NUP93: variants seen among roughly 807,000 people sequenced by gnomAD.
NUP93 encodes nuclear pore complex protein Nup93.
Under a neutral mutation model 107.8 loss-of-function variants are expected in NUP93, and 55 were observed. The observed-to-expected ratio is 0.51, with a 90% CI of 0.41 to 0.64. The LOEUF (loss-of-function observed/expected upper bound fraction) is 0.64. Among genes scored for constraint, NUP93 ranks in the 30% least tolerant of loss-of-function variants. The probability of loss-of-function intolerance (pLI) is 0.00; values close to 1 mark genes in which losing one functional copy is unlikely to be tolerated. For synonymous variants in NUP93, 390 were observed against 397.5 expected (o/e 0.98, Z 0.22); for missense variants, 937 against 1,044.7 (o/e 0.90, Z 1.42).
At chr16:56,791,175 T>C (rs1962754516) in intron 3 of NUP93, among the ~76,000 whole-genome samples, 1 of 152,190 alleles carries the variant, frequency 6.6e-6, no homozygotes, top group South Asian at 2.1e-4. Flanking sequence ...TATGGTGGAT[T>C]GCTGGTTGGT....
At chr16:56,798,838 C>A (rs1962956806) in intron 4 of NUP93, among the ~76,000 whole-genome samples, 1 of 150,230 alleles carries the variant, frequency 6.7e-6, no homozygotes, top group South Asian at 2.1e-4. Context: ...GCACTTCATC[C>A]TGGGGGACAG....
chr16:56,739,731 C>A (rs1961682981), intron 1 of NUP93, among the ~76,000 whole-genome samples: 3 of 133,654 alleles, frequency 2.2e-5, no homozygotes, highest in African/African-American at 8.8e-5. Flanking sequence ...GCCGACCCCC[C>A]CACCTCCCTC....
chr16:56,822,554 CTTTT>C (rs1596841420), intron 7 of NUP93, among the ~76,000 whole-genome samples: 3 of 46,794 alleles, frequency 6.4e-5, no homozygotes, highest in African/African-American at 2.9e-4. Context: ...TTCTTTCTTT[CTTTT>C]CTTTTCTTTT....
At chr16:56,778,559 G>T (rs188018454) in intron 3 of NUP93, among the ~76,000 whole-genome samples, 14 of 152,330 alleles carry the variant, frequency 9.2e-5, no homozygotes, top group Admixed American at 4.6e-4. Flanking sequence ...TGTGGTAGCT[G>T]AGAAAACAGA....
intron 1 of NUP93, 91 bp downstream of exon 1, chr16:56,730,302 G>C (rs1961510706): frequency 6.6e-6 from 1 of 152,340 alleles, no homozygotes; most frequent in African/African-American, 2.4e-5. Context: ...CCCCACGCTC[G>C]GAACCCCGCC....
chr16:56,766,632 C>G (rs1283254454), intron 3 of NUP93, among the ~76,000 whole-genome samples: 1 of 152,224 alleles, frequency 6.6e-6, no homozygotes, highest in Admixed American at 6.5e-5. Flanking sequence ...CCATGTGCCA[C>G]TTTGATCTGC....
chr16:56,755,395 G>A (rs1961999652), intron 2 of NUP93, among the ~76,000 whole-genome samples: 1 of 151,532 alleles, frequency 6.6e-6, no homozygotes, highest in East Asian at 1.9e-4. Context: ...TTGCATTTAT[G>A]AGCAATGTCC....
In NUP93 at chr16:56,818,702, C is replaced by T; in HGVS notation, c.528C>T (p.Ser176=). Reference sequence around the variant, plus strand: ...GTGATGTGGGACCCCCTGGTCGAAGCTCTCTGGATAACATCGAGATGGCCT... The same window carrying T: ...GTGATGTGGGACCCCCTGGTCGAAGTTCTCTGGATAACATCGAGATGGCCT... ...YISDVGPPGR[S]SLDNIEMAYA... The change falls in exon 6 of 22, where the codon AGC becomes AGT. Residue 176 remains serine (S), a synonymous_variant. Transcript: ENST00000308159. 1 of 1,614,196 alleles carries T rather than the reference C, an allele frequency of 6.2e-7. No individual in the cohort carries two copies. The highest frequency in any genetic ancestry group is 8.5e-7 in the Non-Finnish European group (1 of 1,180,000).
chr16:56,750,694 T>C (rs1961902683), intron 2 of NUP93, among the ~76,000 whole-genome samples: 2 of 152,196 alleles, frequency 1.3e-5, no homozygotes, highest in African/African-American at 4.8e-5. Flanking sequence ...CTTATTTGTA[T>C]TGTCTGTGCT....
intron 3 of NUP93, among the ~76,000 whole-genome samples, chr16:56,780,929 GGCTCT>G (rs1479191847): frequency 1.3e-5 from 2 of 152,082 alleles, no homozygotes; most frequent in Admixed American, 6.5e-5. Flanking sequence ...GTCTTAGCGT[GGCTCT>G]GTCTTTGCTT....
intron 3 of NUP93, among the ~76,000 whole-genome samples, chr16:56,759,008 T>C (rs1454008751): frequency 6.6e-6 from 1 of 152,234 alleles, no homozygotes; most frequent in Non-Finnish European, 1.5e-5. Context: ...ATTTTACTAT[T>C]CGTCTTCCAC....
intron 1 of NUP93, among the ~76,000 whole-genome samples, chr16:56,739,500 G>A (rs1335135707): frequency 6.8e-5 from 7 of 103,042 alleles, no homozygotes; most frequent in Non-Finnish European, 8.1e-5. Flanking sequence ...CCTCCCGGAC[G>A]GGGCGGCTGG....
rs527862198 is a variant in NUP93, at chr16:56,771,566, G to A, written c.297+12911G>A. Among the ~76,000 whole-genome samples, 637 of 152,274 alleles carry A rather than the reference G, an allele frequency of 4.2e-3. 8 individuals carry two copies. The highest frequency in any genetic ancestry group is 0.014 in the African/African-American group (601 of 41,560). On this transcript the variant is annotated intron_variant, in intron 3 of 21. Coordinates refer to ENST00000308159, the MANE Select transcript of NUP93 (RefSeq NM_014669.5). ...ATTTCTTACCTGTTTTCTATGGGAT[G>A]ACATTTCCATTTATTCCCTCCAGCA...
In NUP93 at chr16:56,834,121, A is replaced by C; in HGVS notation, c.1538-7A>C. 6.2e-7 allele frequency: 1 copy of C among 1,614,078 alleles called. No individual in the cohort carries two copies. ...GGTTGTGACCCATTCTGACCCCCAC[A>C]ATGCAGTCAGCCACGAGCCTGGTGA... On this transcript the variant is annotated splice_region_variant and splice_polypyrimidine_tract_variant and intron_variant, in intron 13 of 21. Transcript: ENST00000308159.
intron 19 of NUP93, chr16:56,839,295 A>G: frequency 3.0e-6 from 1 of 332,196 alleles, no homozygotes; most frequent in Non-Finnish European, 5.4e-6. Flanking sequence ...GAAAACAGAG[A>G]AGTTTCTCAA....
chr16:56,784,357 CAA>C (rs565487576), intron 3 of NUP93, among the ~76,000 whole-genome samples: 156 of 152,212 alleles, frequency 1.0e-3, no homozygotes, highest in African/African-American at 3.6e-3. Context: ...ACACAAGAAA[CAA>C]ATGTTTTGAC....
intron 3 of NUP93, chr16:56,783,517 G>A: frequency 1.0e-6 from 1 of 985,438 alleles, no homozygotes; most frequent in African/African-American, 1.7e-5. Context: ...TGTAAAGATG[G>A]AGGAAACCTC....
chr16:56,795,138 G>A (rs1184052750), intron 3 of NUP93, among the ~76,000 whole-genome samples: 5 of 151,550 alleles, frequency 3.3e-5, no homozygotes, highest in Non-Finnish European at 5.9e-5. Context: ...ACCCCCAAAC[G>A]TAGCTTGTTT....
intron 8 of NUP93, among the ~76,000 whole-genome samples, chr16:56,827,807 G>A (rs969540692): frequency 1.1e-4 from 16 of 152,180 alleles, no homozygotes; most frequent in African/African-American, 3.1e-4. Flanking sequence ...CCAGGAGTTC[G>A]AGGCAGTAGA....
Sources: allele counts gnomAD v4.1 joint callset (sites outside exome capture counted in the v4.1 genomes callset), GRCh38; gene constraint gnomAD v4.1.1; transcripts MANE v1.5; gene names NCBI Gene and HGNC (gene_info 2026-07-23, HGNC 2026-07-21).